The following ZNG1A variants were observed in gnomAD, a reference collection of about 807,000 sequenced individuals.
The protein encoded by ZNG1A is zinc-regulated GTPase metalloprotein activator 1A.
chr9:165,928 C>T, the ZNG1A span: 2 of 130,046 alleles, frequency 1.5e-5, no homozygotes, highest in African/African-American at 6.4e-5. Flanking sequence ...CAACTCTACC[C>T]CTACCTCCAA....
the ZNG1A span, among the ~76,000 whole-genome samples, chr9:133,839 T>C: frequency 6.6e-6 from 1 of 152,100 alleles, no homozygotes; most frequent in African/African-American, 2.4e-5. Flanking sequence ...GTAAGGAACG[T>C]ATAGACTCAT....
the ZNG1A span, among the ~76,000 whole-genome samples, chr9:138,580 G>C: frequency 6.7e-6 from 1 of 148,810 alleles, no homozygotes; most frequent in East Asian, 2.0e-4. Context: ...CAGTTTTTAA[G>C]GGCATGGCTA....
chr9:165,040 CAG>C, the ZNG1A span, among the ~76,000 whole-genome samples: 3 of 152,142 alleles, frequency 2.0e-5, no homozygotes, highest in African/African-American at 4.8e-5. Context: ...TTGTGAGTAA[CAG>C]GGGCTGAATC....
the ZNG1A span, among the ~76,000 whole-genome samples, chr9:169,239 C>G: frequency 6.6e-6 from 1 of 151,374 alleles, no homozygotes; most frequent in African/African-American, 2.4e-5. Flanking sequence ...TGAGGGATTC[C>G]AGACTTCAAT....
At chr9:122,335 A>C in the ZNG1A span, 1 of 1,376,334 alleles carries the variant, frequency 7.3e-7, no homozygotes, top group East Asian at 2.8e-5. Context: ...CTAATGATAA[A>C]GTTAATACAT....
chr9:162,403 G>A, the ZNG1A span: 3 of 1,454,860 alleles, frequency 2.1e-6, no homozygotes, highest in South Asian at 2.6e-5. Flanking sequence ...TCTCAATAAT[G>A]ACCCACTCAT....
the ZNG1A span, chr9:159,891 T>A: frequency 2.8e-6 from 1 of 352,616 alleles, no homozygotes; most frequent in African/African-American, 2.2e-5. Context: ...TTGCATAATG[T>A]CAGTCTATTT....
At chr9:168,334 C>T in the ZNG1A span, among the ~76,000 whole-genome samples, 1 of 152,020 alleles carries the variant, frequency 6.6e-6, no homozygotes, top group Non-Finnish European at 1.5e-5. Flanking sequence ...CTCACTGCCA[C>T]CTCCGTCTCC....
the ZNG1A span, among the ~76,000 whole-genome samples, chr9:126,548 T>C: frequency 6.6e-6 from 1 of 152,156 alleles, no homozygotes; most frequent in African/African-American, 2.4e-5. Flanking sequence ...GTGTCAGTTG[T>C]AATATCTCCC....
the ZNG1A span, among the ~76,000 whole-genome samples, chr9:160,917 T>C: frequency 5.3e-5 from 8 of 150,990 alleles, no homozygotes; most frequent in East Asian, 3.9e-4. Context: ...CCAACAGTCA[T>C]TGGAATTTTT....
the ZNG1A span, among the ~76,000 whole-genome samples, chr9:141,916 C>G: frequency 8.4e-6 from 1 of 119,452 alleles, no homozygotes; most frequent in Non-Finnish European, 1.8e-5. Flanking sequence ...AACAGACTTT[C>G]AACCAACAAA....
At chr9:162,949 C>A in the ZNG1A span, among the ~76,000 whole-genome samples, 2 of 152,042 alleles carry the variant, frequency 1.3e-5, no homozygotes, top group East Asian at 1.9e-4. Context: ...AAATCCAAAT[C>A]CAACTCATAA....
At chr9:151,749 G>C in the ZNG1A span, 1 of 291,288 alleles carries the variant, frequency 3.4e-6, no homozygotes, top group Non-Finnish European at 6.4e-6. Context: ...TCTGTACTGA[G>C]TTACCCTCTC....
At chr9:122,353 G>C in the ZNG1A span, 1 of 1,319,074 alleles carries the variant, frequency 7.6e-7, no homozygotes, top group Non-Finnish European at 9.8e-7. Flanking sequence ...CATATATTAG[G>C]ATGGTTTTTC....
the ZNG1A span, among the ~76,000 whole-genome samples, chr9:140,689 G>C: frequency 1.9e-4 from 29 of 151,848 alleles, no homozygotes; most frequent in East Asian, 5.2e-3. Flanking sequence ...AAGCTGGAGG[G>C]AGAATGACTT....
the ZNG1A span, among the ~76,000 whole-genome samples, chr9:170,271 T>C: frequency 5.2e-4 from 79 of 151,672 alleles, no homozygotes; most frequent in Non-Finnish European, 2.4e-4. Context: ...AGGCTGAGGC[T>C]GCCATTCAAC....
the ZNG1A span, chr9:153,392 CATA>C: frequency 6.9e-6 from 1 of 145,308 alleles, no homozygotes; most frequent in African/African-American, 2.5e-5. Context: ...AAAAAAATTA[CATA>C]ATAATAGCTA....
At chr9:176,596 G>C in the ZNG1A span, among the ~76,000 whole-genome samples, 1 of 151,930 alleles carries the variant, frequency 6.6e-6, no homozygotes, top group Non-Finnish European at 1.5e-5. Context: ...TCCTTTCAAA[G>C]CTTTTTAACA....
At chr9:128,733 T>TG in the ZNG1A span, among the ~76,000 whole-genome samples, 1 of 150,390 alleles carries the variant, frequency 6.6e-6, no homozygotes, top group Non-Finnish European at 1.5e-5. Context: ...TGGGATTTTT[T>TG]GGGGGGTGTT....
Sources: gnomAD v4.1 joint callset for allele counts (sites outside exome capture counted in the v4.1 genomes callset) on GRCh38, gnomAD v4.1.1 for gene constraint, MANE v1.5 for transcripts, NCBI Gene and HGNC (gene_info 2026-07-23, HGNC 2026-07-21) for gene names.